Variants in LRIG3 observed in about 807,000 individuals in gnomAD.
The protein encoded by LRIG3 is leucine-rich repeats and immunoglobulin-like domains protein 3.
In LRIG3, 76 loss-of-function variants were observed where a neutral mutation model predicts 114.5. The ratio of observed to expected loss-of-function variants is 0.66; its 90% CI spans 0.55 to 0.80. The LOEUF is 0.80. LRIG3 is among the 30% of genes least tolerant of loss of function. LRIG3 has a pLI of 0.00. For synonymous variants in LRIG3, 512 were observed against 519.8 expected, an observed-to-expected ratio of 0.98 and a Z score of 0.20; for missense variants, 1,239 against 1,382.8, an observed-to-expected ratio of 0.90 and a Z score of 1.65.
chr12:58,886,559 A>G (rs1270766043), intron 9 of LRIG3, among the ~76,000 whole-genome samples: 1 of 152,132 alleles, frequency 6.6e-6, no homozygotes, highest in Non-Finnish European at 1.5e-5. Context: ...ATAGATGAAA[A>G]TTATTATGAG....
chr12:58,889,972 T>C (rs773961894), intron 5 of LRIG3, 24 bp downstream of exon 5: 6 of 1,611,796 alleles, frequency 3.7e-6, no homozygotes, highest in Non-Finnish European at 5.1e-6. Flanking sequence ...TGAGAAACAG[T>C]ATCTAAGAGG....
Position 58,876,524 on chromosome 12 carries a change from C to A in LRIG3, c.2616G>T (p.Val872=). 6.2e-7 allele frequency: 1 copy of A among 1,614,152 alleles called. No individual in the cohort carries two copies. Among genetic ancestry groups the A allele is most frequent in the Admixed American group, 1.7e-5 (1 of 60,018 alleles). ...GGTGGTGGCTTCCACTTTCTGAAGA[C>A]ACGTACCCATCCTGCCTGTCAGCTA... ...GTLADRQDGY[V]SSESGSHHQF... The change falls in exon 16 of 19, where the codon GTG becomes GTT. Residue 872 remains valine (V), a synonymous_variant. Transcript: ENST00000320743.
At chr12:58,873,700 T>C in intron 18 of LRIG3, 3 of 294,980 alleles carry the variant, frequency 1.0e-5, no homozygotes, top group Non-Finnish European at 1.3e-5. Context: ...ACCACAATCA[T>C]GCAGAGCACA....
At chr12:58,873,737 C>A (rs1186747198) in intron 18 of LRIG3, 2 of 390,660 alleles carry the variant, frequency 5.1e-6, no homozygotes, top group Non-Finnish European at 9.3e-6. Context: ...GCCGTGGGAG[C>A]CCAAAACCAC....
chr12:58,918,313 T>A (rs1440704673), intron 1 of LRIG3, among the ~76,000 whole-genome samples: 4 of 152,364 alleles, frequency 2.6e-5, no homozygotes, highest in African/African-American at 9.6e-5. Context: ...AACAAAATCC[T>A]AATTAGGTCA....
chr12:58,890,447 T>A (rs1871419077), intron 4 of LRIG3, among the ~76,000 whole-genome samples: 2 of 152,174 alleles, frequency 1.3e-5, no homozygotes, highest in South Asian at 4.1e-4. Flanking sequence ...TTTCACACCA[T>A]CTAGGTTTTC....
chr12:58,899,188 T>C (rs1871754101), intron 3 of LRIG3, among the ~76,000 whole-genome samples: 1 of 152,256 alleles, frequency 6.6e-6, no homozygotes, highest in Admixed American at 6.5e-5. Flanking sequence ...GTGATGGTGA[T>C]GTGCTAGGAG....
Position 58,883,500 on chromosome 12 carries a change from G to C in LRIG3, c.1316+20C>G, listed in dbSNP as rs758512891. 1 of 1,516,508 alleles carries C rather than the reference G, an allele frequency of 6.6e-7. No homozygotes were observed. The highest frequency in any genetic ancestry group is 1.4e-5 in the African/African-American group (1 of 73,706). 93.9% of individuals were successfully genotyped at this position (1,516,508 alleles called of 1,614,324 possible). On this transcript the variant is annotated intron_variant, in intron 11 of 18. Transcript: ENST00000320743. ...TCCCCTCTATACTTTCAGACTCCTA[G>C]AAGGAAAAGAAAAGCTTACAATTGT...
In LRIG3 at chr12:58,888,439, G is replaced by C. The variant is rs1871347216; in HGVS notation, c.837C>G (p.Thr279=). ...TCAGCAAGCCGTAAAGCCAGCCTTT[G>C]GTAATCTCTGTTAGGTTGTTATGGT... The part of the protein sequence containing the change: ...QLDHNNLTEI[T]KGWLYGLLML... Residue 279 remains threonine (T), a synonymous_variant, in exon 7 of 19, where the codon ACC becomes ACG. Transcript: ENST00000320743. 1 of 1,613,764 alleles carries C rather than the reference G, an allele frequency of 6.2e-7. No individual in the cohort carries two copies. The highest frequency in any genetic ancestry group is 1.3e-5 in the African/African-American group (1 of 74,978).
At chr12:58,901,879 T>C (rs1377282124) in intron 3 of LRIG3, among the ~76,000 whole-genome samples, 1 of 152,160 alleles carries the variant, frequency 6.6e-6, no homozygotes, top group Non-Finnish European at 1.5e-5. Context: ...TAGAAGTGAT[T>C]AAGGAGAGGG....
At chr12:58,899,421 A>G (rs564185900) in intron 3 of LRIG3, among the ~76,000 whole-genome samples, 1 of 151,970 alleles carries the variant, frequency 6.6e-6, no homozygotes, top group Admixed American at 6.5e-5. Context: ...TTTTCCTCCC[A>G]TGACTTCCAT....
intron 1 of LRIG3, among the ~76,000 whole-genome samples, chr12:58,916,750 A>G (rs919259234): frequency 1.3e-5 from 2 of 152,252 alleles, no homozygotes; most frequent in Non-Finnish European, 2.9e-5. Flanking sequence ...CAGCTGGCCA[A>G]CACTTGAAAG....
chr12:58,919,050 C>T (rs749040853), intron 1 of LRIG3, among the ~76,000 whole-genome samples: 9 of 152,104 alleles, frequency 5.9e-5, no homozygotes, highest in Non-Finnish European at 1.0e-4. Context: ...TATAAGATTA[C>T]GTATGAAGTG....
At chr12:58,919,369 C>T (rs1872588287) in intron 1 of LRIG3, 1 of 1,550,156 alleles carries the variant, frequency 6.5e-7, no homozygotes, top group African/African-American at 1.4e-5. Context: ...AATCGAGTTC[C>T]GCCCTTTCCA....
chr12:58,875,767 C>T (rs568306096), intron 16 of LRIG3, among the ~76,000 whole-genome samples: 16 of 152,196 alleles, frequency 1.1e-4, no homozygotes, highest in African/African-American at 2.2e-4. Flanking sequence ...AGGCTGGGTG[C>T]GGTGGCTCAC....
At chr12:58,918,493 T>A (rs188994650) in intron 1 of LRIG3, among the ~76,000 whole-genome samples, 3 of 152,324 alleles carry the variant, frequency 2.0e-5, no homozygotes, top group African/African-American at 7.2e-5. Flanking sequence ...TGAAAAACTA[T>A]CGAATACAAG....
rs148745044 is a variant in LRIG3, at chr12:58,880,524, T to A, written c.1801+57A>T. The A allele has an allele frequency of 7.8e-5, 120 of 1,530,426 alleles. 1 individual carries two copies. In the Middle Eastern group the frequency reaches 1.2e-3, roughly 15 times the overall value. The allele number at this position is 1,530,426 out of a possible 1,614,324, so 94.8% of individuals were successfully genotyped here. ...GTTAAGATTAAGAGAGAAAAACAGG[T>A]GCTTTCTATTTCTAAAAGGTATCTT... On this transcript the variant is annotated intron_variant, in intron 13 of 18. Transcript: ENST00000320743.
chr12:58,876,664 C>G (rs1358205585), intron 15 of LRIG3, 61 bp from the exon 16 acceptor site: 1 of 1,575,244 alleles, frequency 6.3e-7, no homozygotes, highest in Non-Finnish European at 8.7e-7. Context: ...CCACAGGCAT[C>G]CCGGGTGAAT....
Position 58,890,058 on chromosome 12 carries a change from C to T in LRIG3, c.597G>A (p.Leu199=). The change falls in exon 5 of 19, where the codon CTG becomes CTA. Residue 199 remains leucine (L), a synonymous_variant. Coordinates refer to ENST00000320743, the MANE Select transcript of LRIG3 (RefSeq NM_153377.5). ...NLANTLLVLK[L]NRNRISAIPP... ...GGATAGCTGAGATTCGGTTCCTGTTCAGCTTTAACACAAGGAGTGTGTTGG... is the reference window on the plus strand; with the variant it reads ...GGATAGCTGAGATTCGGTTCCTGTTTAGCTTTAACACAAGGAGTGTGTTGG... The T allele has an allele frequency of 6.2e-7, 1 of 1,613,870 alleles. No homozygotes were observed. Among genetic ancestry groups the T allele is most frequent in the Non-Finnish European group, 8.5e-7 (1 of 1,179,846 alleles).
Sources: allele counts gnomAD v4.1 joint callset (sites outside exome capture counted in the v4.1 genomes callset), GRCh38; gene constraint gnomAD v4.1.1; transcripts MANE v1.5; gene names NCBI Gene and HGNC (gene_info 2026-07-23, HGNC 2026-07-21).